Variants in FBXO10 observed in about 807,000 individuals in gnomAD.
The protein encoded by FBXO10 is F-box protein 10.
A neutral mutation model predicts 80.7 loss-of-function variants in FBXO10; 39 were observed. The ratio of observed to expected loss-of-function variants is 0.48; its 90% CI spans 0.37 to 0.63. The LOEUF is 0.63. Among genes scored for constraint, FBXO10 ranks in the 30% least tolerant of loss-of-function variants. FBXO10 has a pLI of 0.00. For missense variants in FBXO10, 1,025 were observed against 1,269.0 expected, an observed-to-expected ratio of 0.81 and a Z score of 2.92; for synonymous variants, 449 against 489.6, an observed-to-expected ratio of 0.92 and a Z score of 1.09.
At chr9:37,534,087 G>A (rs896871852) in intron 3 of FBXO10, among the ~76,000 whole-genome samples, 5 of 151,796 alleles carry the variant, frequency 3.3e-5, no homozygotes, top group South Asian at 4.1e-4. Context: ...AAGCCCCCAC[G>A]GATACCAAAG....
intron 1 of FBXO10, among the ~76,000 whole-genome samples, chr9:37,572,125 A>G (rs940732249): frequency 1.3e-5 from 2 of 152,132 alleles, no homozygotes; most frequent in African/African-American, 4.8e-5. Context: ...GTTTCCAAAA[A>G]AAAGAAAAAA....
chr9:37,522,985 G>C lies in FBXO10; in HGVS notation c.1778-8C>G, dbSNP rs764790902. The C allele has an allele frequency of 2.4e-5, 38 of 1,588,336 alleles. No homozygotes were observed. The highest frequency in any genetic ancestry group is 2.6e-6 in the Non-Finnish European group (3 of 1,167,666). On this transcript the variant is annotated splice_region_variant and splice_polypyrimidine_tract_variant and intron_variant, in intron 6 of 10. Coordinates refer to ENST00000432825, the MANE Select transcript of FBXO10 (RefSeq NM_012166.3). ...TCTCACGGATGACATTTTCTATGGA[G>C]AGAAGCAGAAAAGAAGGTCAGTACC...
chr9:37,513,064 C>G lies in FBXO10; in HGVS notation c.2697-343G>C, dbSNP rs149432128. 2.8e-3 allele frequency among the ~76,000 whole-genome samples: 426 copies of G among 152,306 alleles called. 16 individuals carry two copies. In the East Asian group the frequency reaches 0.07, roughly 25 times the overall value. On this transcript the variant is annotated intron_variant, in intron 10 of 10. Transcript: ENST00000432825. ...CACTGCAGCCTCAACCTCCTGGGCT[C>G]AAGTGATCCTCCCACCTCAGCCTCC... is the stretch of plus-strand genomic sequence containing the variant.
In FBXO10 at chr9:37,541,755, C is replaced by A. The variant is rs529842963; in HGVS notation, c.14G>T (p.Gly5Val). 8.1e-6 allele frequency: 13 copies of A among 1,596,176 alleles called. No individual in the cohort carries two copies. In the South Asian group the frequency reaches 1.3e-4, roughly 16 times the overall value. Reference sequence around the variant, plus strand: ...CATGCGCCACAGCTCCAAGGGGAGGCCACCAGCCTCCATGGTCACCTAGGA... The same window carrying A: ...CATGCGCCACAGCTCCAAGGGGAGGACACCAGCCTCCATGGTCACCTAGGA... MEAG[G>V]LPLELWRMIL... Residue 5 changes from glycine (G) to valine (V), a missense_variant, in exon 2 of 11, where the codon GGC (glycine) becomes GTC (valine). Gly to Val is a moderately radical substitution (Grantham distance 109, BLOSUM62 -3). This residue lies in a region of FBXO10 where 450 missense variants were observed against 499.4 expected (regional missense o/e 0.90). Coordinates refer to ENST00000432825, the MANE Select transcript of FBXO10 (RefSeq NM_012166.3).
chr9:37,528,912 T>C (rs1213569881), intron 5 of FBXO10, among the ~76,000 whole-genome samples: 1 of 152,190 alleles, frequency 6.6e-6, no homozygotes, highest in Non-Finnish European at 1.5e-5. Context: ...ATGTTGGAAG[T>C]GCTCAGTAGT....
intron 1 of FBXO10, among the ~76,000 whole-genome samples, chr9:37,555,092 C>G (rs184775100): frequency 3.3e-5 from 5 of 151,912 alleles, no homozygotes; most frequent in Non-Finnish European, 7.4e-5. Flanking sequence ...ACTTTGTCAC[C>G]CAGGCTGGAG....
intron 1 of FBXO10, among the ~76,000 whole-genome samples, chr9:37,556,600 G>A (rs1003781895): frequency 3.0e-5 from 4 of 132,760 alleles, no homozygotes; most frequent in South Asian, 2.5e-4. Context: ...CTGGAGTGCA[G>A]TGGCACAATC....
Position 37,531,936 on chromosome 9 carries a change from G to A in FBXO10, c.1542C>T (p.Ile514=), listed in dbSNP as rs748478364. The A allele has an allele frequency of 1.9e-6, 3 of 1,613,924 alleles. No homozygotes were observed. The highest frequency in any genetic ancestry group is 2.5e-6 in the Non-Finnish European group (3 of 1,179,828). Residue 514 remains isoleucine, a synonymous_variant, in exon 4 of 11, where the codon ATC becomes ATT. Coordinates refer to ENST00000432825, the MANE Select transcript of FBXO10 (RefSeq NM_012166.3). ...IYHNAEAGVD[I]RKKSNPLILC... ...GTATGAGTGGGTTGGACTTTTTCCG[G>A]ATGTCTACACCAGCCTCTGCATTGT...
At chr9:37,560,184 G>T (rs1822443157) in intron 1 of FBXO10, among the ~76,000 whole-genome samples, 1 of 152,198 alleles carries the variant, frequency 6.6e-6, no homozygotes, top group Non-Finnish European at 1.5e-5. Context: ...GATCCATCCA[G>T]GAGAGGTATT....
At chr9:37,567,148 C>CTT (rs111249142) in intron 1 of FBXO10, among the ~76,000 whole-genome samples, 3,480 of 136,844 alleles carry the variant, frequency 0.025, 61 homozygotes, top group Middle Eastern at 0.071. Flanking sequence ...TTCTTTTTTT[C>CTT]TTTTTTTTTT....
At chr9:37,569,921 A>T (rs570597085) in intron 1 of FBXO10, among the ~76,000 whole-genome samples, 5 of 152,264 alleles carry the variant, frequency 3.3e-5, no homozygotes, top group Admixed American at 1.3e-4. Flanking sequence ...AGAAAATGTT[A>T]GTATGTTTGG....
intron 6 of FBXO10, among the ~76,000 whole-genome samples, chr9:37,524,108 G>C (rs1207446425): frequency 6.6e-6 from 1 of 152,074 alleles, no homozygotes. Flanking sequence ...TCCCACAAGC[G>C]ATGTCCACTC....
chr9:37,536,803 C>T (rs774177337), intron 3 of FBXO10, among the ~76,000 whole-genome samples: 8 of 152,010 alleles, frequency 5.3e-5, no homozygotes, highest in African/African-American at 1.9e-4. Flanking sequence ...TCTCCTACTC[C>T]GACATGGTGA....
chr9:37,537,384 C>T lies in FBXO10; in HGVS notation c.1145G>A (p.Arg382His), dbSNP rs111810677. The T allele has an allele frequency of 1.2e-4, 184 of 1,596,306 alleles. 4 individuals carry two copies. The highest frequency in any genetic ancestry group is 1.1e-3 in the African/African-American group (85 of 74,664). Residue 382 changes from arginine to histidine, a missense_variant, in exon 3 of 11, where the codon CGC becomes CAC. Arg to His is a conservative substitution (Grantham distance 29). Around this residue, in one of 3 missense-constraint regions of FBXO10, gnomAD observed 450 missense variants for 499.4 expected, o/e 0.90. Coordinates refer to ENST00000432825, the MANE Select transcript of FBXO10 (RefSeq NM_012166.3). ...YRLSYQVQGP[R>H]PVLGGSFLGP... is the part of the protein sequence containing the mutation. Reference sequence around the variant, plus strand: ...CAGAAATGAGCCCCCCAATACAGGGCGTGGGCCCTGCACTTGGTAGGATAG... The same window carrying T: ...CAGAAATGAGCCCCCCAATACAGGGTGTGGGCCCTGCACTTGGTAGGATAG...
intron 2 of FBXO10, among the ~76,000 whole-genome samples, chr9:37,539,525 A>G (rs1168382170): frequency 3.9e-5 from 6 of 152,256 alleles, no homozygotes; most frequent in Non-Finnish European, 5.9e-5. Flanking sequence ...ATCTATGACT[A>G]TACTTCTGAG....
At chr9:37,538,399 T>C (rs896414660) in intron 2 of FBXO10, among the ~76,000 whole-genome samples, 5 of 152,118 alleles carry the variant, frequency 3.3e-5, no homozygotes, top group African/African-American at 1.2e-4. Context: ...CCAGGAAGCA[T>C]TGAACAGTGG....
rs746769608 is a variant in FBXO10 at position 37,537,168 on chromosome 9, ATCTT to A, written c.1357_1360del (p.Lys453TrpfsTer9). On this transcript the variant is annotated frameshift_variant, in exon 3 of 11. Coordinates refer to ENST00000432825, the MANE Select transcript of FBXO10 (RefSeq NM_012166.3). LOFTEE classifies it high-confidence loss of function. ...CAGGTTCCGGAAGATGTTTCCTTCC[ATCTT>A]GGCTCTGCCGTGGGAGCAGACGAAG... The A allele has an allele frequency of 3.1e-6, 5 of 1,613,926 alleles. No homozygotes were observed. The South Asian group carries it at 5.5e-5, about 18-fold the overall frequency.
chr9:37,560,035 C>T (rs985286856), intron 1 of FBXO10, among the ~76,000 whole-genome samples: 1 of 152,118 alleles, frequency 6.6e-6, no homozygotes, highest in Non-Finnish European at 1.5e-5. Context: ...AGTTCTGACC[C>T]CTTGGAGCCA....
At chr9:37,517,683 G>C (rs867180285) in intron 9 of FBXO10, among the ~76,000 whole-genome samples, 1 of 152,158 alleles carries the variant, frequency 6.6e-6, no homozygotes, top group Non-Finnish European at 1.5e-5. Flanking sequence ...GCAGTGCAAG[G>C]CGGGCAGGAG....
Sources: gnomAD v4.1 joint callset for allele counts (sites outside exome capture counted in the v4.1 genomes callset) on GRCh38, gnomAD v4.1.1 for gene constraint, gnomAD v4.1.1 regional missense constraint, MANE v1.5 for transcripts, NCBI Gene and HGNC (gene_info 2026-07-23, HGNC 2026-07-21) for gene names.